ARNT: variants seen among roughly 807,000 people sequenced by gnomAD.
The protein encoded by ARNT is aryl hydrocarbon receptor nuclear translocator, also known as class E basic helix-loop-helix protein 2.
In ARNT, 30 loss-of-function variants were observed where a neutral mutation model predicts 105.0. The observed-to-expected ratio is 0.29, with a 90% confidence interval of 0.21 to 0.39. The LOEUF is 0.39. Ranked by LOEUF, ARNT falls within the 10% of genes least tolerant of loss-of-function variation. The pLI is 1.00. For synonymous variants in ARNT, 304 were observed against 344.0 expected, an observed-to-expected ratio of 0.88 and a Z score of 1.29; for missense variants, 748 against 978.7, an observed-to-expected ratio of 0.76 and a Z score of 3.15.
At chr1:150,853,210 G>A in intron 2 of ARNT, 2 of 322,150 alleles carry the variant, frequency 6.2e-6, no homozygotes, top group Non-Finnish European at 1.2e-5. Flanking sequence ...GAACCCGGGA[G>A]GTGGAGGTTT....
chr1:150,829,282 T>A, intron 11 of ARNT, 55 bp from the exon 12 acceptor site: 1 of 1,554,336 alleles, frequency 6.4e-7, no homozygotes, highest in Non-Finnish European at 8.8e-7. Flanking sequence ...TACAGATGTA[T>A]TTCCTATCTC....
chr1:150,818,297 G>A, intron 14 of ARNT: 1 of 323,194 alleles, frequency 3.1e-6, no homozygotes, highest in Non-Finnish European at 5.6e-6. Context: ...TTGTGAATGT[G>A]TGTATATATT....
At chr1:150,855,801 C>A (rs890203343) in intron 2 of ARNT, among the ~76,000 whole-genome samples, 1 of 150,780 alleles carries the variant, frequency 6.6e-6, no homozygotes, top group East Asian at 2.0e-4. Flanking sequence ...ACTCGGAGAA[C>A]TGAAGTAGGA....
At position 150,843,785 on chromosome 1, in the gene ARNT, C is replaced by T. The variant is rs1661689186; in HGVS notation, c.228-1317G>A. On this transcript the variant is annotated intron_variant, in intron 4 of 21. Coordinates refer to ENST00000358595, the MANE Select transcript of ARNT (RefSeq NM_001668.4). ...GGACTAACCAGGCATGGTGGCTATG[C>T]ATATAATCCCAAAAGTTTTTCAAGA... Among the ~76,000 whole-genome samples, 5 of 152,100 alleles carry T rather than the reference C, an allele frequency of 3.3e-5. 1 individual carries two copies. The South Asian group carries it at 1.0e-3, about 32-fold the overall frequency.
intron 21 of ARNT, 29 bp downstream of exon 21, chr1:150,813,143 A>G (rs768879651): frequency 1.6e-5 from 26 of 1,602,340 alleles, no homozygotes; most frequent in South Asian, 1.5e-4. Context: ...CCCAGCTTCT[A>G]ATTTTTGAAA....
At chr1:150,846,174 G>GA (rs1442355936) in intron 4 of ARNT, 89 bp downstream of exon 4, 15 of 1,141,766 alleles carry the variant, frequency 1.3e-5, no homozygotes, top group Non-Finnish European at 1.9e-5. Flanking sequence ...GTCTCATCCA[G>GA]AAAAAATTAA....
intron 14 of ARNT, among the ~76,000 whole-genome samples, chr1:150,819,710 T>C (rs1176181297): frequency 6.6e-6 from 1 of 152,112 alleles, no homozygotes; most frequent in African/African-American, 2.4e-5. Context: ...ATACGAAAAG[T>C]CTAGAATAGA....
At chr1:150,832,248 G>T in intron 9 of ARNT, 86 bp downstream of exon 9, 4 of 1,412,604 alleles carry the variant, frequency 2.8e-6, no homozygotes, top group South Asian at 2.3e-5. Context: ...GCTGCTGAAG[G>T]AACGACTACA....
At chr1:150,854,631 C>T (rs374215917) in intron 2 of ARNT, among the ~76,000 whole-genome samples, 41 of 151,814 alleles carry the variant, frequency 2.7e-4, no homozygotes, top group Non-Finnish European at 1.3e-4. Context: ...CTGAGGCAGG[C>T]GGATCACTTG....
rs1414708020 is a variant in ARNT at position 150,814,117 on chromosome 1, A to G, written c.2073T>C (p.Ala691=). The stretch of plus-strand genomic sequence containing the variant: ...GATTGGTGAGACTAGGGTAGGCAGC[A>G]GCACCAGGCGATGCAGTTGGGGCAC... ...LPGAPTASPG[A]AAYPSLTNRG... Residue 691 remains alanine, a synonymous_variant, in exon 20 of 22, where the codon GCT becomes GCC. Coordinates refer to ENST00000358595, the MANE Select transcript of ARNT (RefSeq NM_001668.4). 1.2e-6 allele frequency: 2 copies of G among 1,614,188 alleles called. No individual in the cohort carries two copies. Among genetic ancestry groups the G allele is most frequent in the South Asian group, 2.2e-5 (2 of 91,086 alleles).
intron 7 of ARNT, 34 bp from the exon 8 acceptor site, chr1:150,834,674 A>AT: frequency 1.9e-6 from 3 of 1,591,324 alleles, no homozygotes; most frequent in Non-Finnish European, 1.7e-6. Context: ...TCTGGAGTGC[A>AT]TTTTTGTGTG....
chr1:150,827,226 TTGA>T (rs1403809575), intron 12 of ARNT, among the ~76,000 whole-genome samples: 1 of 152,206 alleles, frequency 6.6e-6, no homozygotes, highest in African/African-American at 2.4e-5. Flanking sequence ...AGTGTATGAT[TTGA>T]TGATGTCTAC....
intron 3 of ARNT, among the ~76,000 whole-genome samples, chr1:150,847,259 C>T (rs1299824186): frequency 5.3e-5 from 8 of 151,890 alleles, no homozygotes; most frequent in Admixed American, 2.6e-4. Flanking sequence ...GGTGAAACCC[C>T]GTCTCTACTA....
intron 3 of ARNT, among the ~76,000 whole-genome samples, chr1:150,847,559 T>C (rs587767939): frequency 6.6e-6 from 1 of 152,288 alleles, no homozygotes; most frequent in South Asian, 2.1e-4. Flanking sequence ...CGAACCTCTC[T>C]TTGGATCTGC....
intron 1 of ARNT, among the ~76,000 whole-genome samples, chr1:150,864,177 T>C (rs587680297): frequency 6.6e-6 from 1 of 152,272 alleles, no homozygotes; most frequent in Admixed American, 6.5e-5. Flanking sequence ...ATAGAAAAAG[T>C]AATGTGTTGT....
At chr1:150,857,551 T>TA (rs1366372348) in intron 2 of ARNT, among the ~76,000 whole-genome samples, 2 of 151,954 alleles carry the variant, frequency 1.3e-5, no homozygotes, top group Admixed American at 6.6e-5. Context: ...GGACAAAACT[T>TA]AAAGACTGGT....
At chr1:150,848,065 G>A (rs377082814) in intron 3 of ARNT, among the ~76,000 whole-genome samples, 7 of 152,232 alleles carry the variant, frequency 4.6e-5, no homozygotes, top group African/African-American at 1.7e-4. Context: ...AAAAAACTGA[G>A]GAGATAAGTG....
intron 1 of ARNT, chr1:150,861,242 C>A (rs374797441): frequency 2.5e-6 from 1 of 397,912 alleles, no homozygotes; most frequent in Non-Finnish European, 4.9e-6. Flanking sequence ...TGCAGTGGTG[C>A]GCACCTGTAG....
intron 6 of ARNT, 94 bp from the exon 7 acceptor site, chr1:150,836,587 C>T: frequency 2.4e-6 from 3 of 1,272,426 alleles, no homozygotes; most frequent in Admixed American, 2.2e-5. Flanking sequence ...AGGCCACATG[C>T]ATCTCTCCGT....
Sources: gnomAD v4.1 joint callset for allele counts (sites outside exome capture counted in the v4.1 genomes callset) on GRCh38, gnomAD v4.1.1 for gene constraint, MANE v1.5 for transcripts, NCBI Gene and HGNC (gene_info 2026-07-23, HGNC 2026-07-21) for gene names.